JPH3: variants seen among roughly 807,000 people sequenced by gnomAD.
JPH3 encodes junctophilin-3.
In JPH3, 11 loss-of-function variants were observed where a neutral mutation model predicts 59.6. The observed-to-expected ratio is 0.18, with a 90% confidence interval of 0.12 to 0.31. The LOEUF (loss-of-function observed/expected upper bound fraction) is 0.31, where lower values mean the gene tolerates loss of function less well. JPH3 is among the 10% of genes least tolerant of loss of function. The pLI is 1.00. For missense variants in JPH3, 1,202 were observed against 1,105.7 expected, an observed-to-expected ratio of 1.09 and a Z score of -1.24; for synonymous variants, 673 against 483.6, an observed-to-expected ratio of 1.39 and a Z score of -5.14.
rs1328291453 is a variant in JPH3, at chr16:87,690,395, G to A, written c.2035G>A (p.Ala679Thr). 3 of 1,516,546 alleles carry A rather than the reference G, an allele frequency of 2.0e-6. No individual in the cohort carries two copies. The highest frequency in any genetic ancestry group is 2.6e-6 in the Non-Finnish European group (3 of 1,134,630). 93.9% of individuals were successfully genotyped at this position (1,516,546 alleles called of 1,614,324 possible). A position where few individuals can be genotyped will look rare whatever the true frequency, so the allele number is the denominator to read the frequency against. ...CGCGGAGCCCGCCGTGCAGAAACTG[G>A]CGAGCCTGCGGCTGGGCGGGGCCGA... ...SSAEPAVQKL[A>T]SLRLGGAEPR... The change falls in exon 4 of 5, where the codon GCG (alanine) becomes ACG (threonine). Residue 679 changes from alanine to threonine, a missense_variant. Ala to Thr is a moderately conservative substitution (Grantham distance 58). Coordinates refer to ENST00000284262, the MANE Select transcript of JPH3 (RefSeq NM_020655.4).
In JPH3 at chr16:87,642,718, C is replaced by T. The variant is rs144896197; in HGVS notation, c.383-1540C>T. Among the ~76,000 whole-genome samples, 545 of 152,342 alleles carry T rather than the reference C, an allele frequency of 3.6e-3. 8 individuals carry two copies. Among genetic ancestry groups the T allele is most frequent in the African/African-American group, 0.012 (500 of 41,578 alleles). On this transcript the variant is annotated intron_variant, in intron 1 of 4. Coordinates refer to ENST00000284262, the MANE Select transcript of JPH3 (RefSeq NM_020655.4). The stretch of plus-strand genomic sequence containing the variant: ...GCTTGAGGTTTGCCGCGTTGGGCGT[C>T]GTGCTGAGGCCCAGCCGTCCTCACG...
chr16:87,647,587 G>A (rs957455335), intron 2 of JPH3, among the ~76,000 whole-genome samples: 1 of 152,204 alleles, frequency 6.6e-6, no homozygotes, highest in African/African-American at 2.4e-5. Context: ...GGCGTCGCGG[G>A]GAGGGAGGTG....
intron 2 of JPH3, among the ~76,000 whole-genome samples, chr16:87,676,597 G>T (rs965510284): frequency 1.3e-5 from 2 of 151,700 alleles, no homozygotes; most frequent in African/African-American, 4.8e-5. Context: ...AGTCAGGCAT[G>T]GTGGTGCGCG....
At chr16:87,669,881 G>GCAGC (rs2032970199) in intron 2 of JPH3, among the ~76,000 whole-genome samples, 1 of 152,096 alleles carries the variant, frequency 6.6e-6, no homozygotes. Context: ...AGAGGTTGCA[G>GCAGC]CAGCCGGCCG....
In JPH3 at chr16:87,630,701, G is replaced by A. The variant is rs558695867; in HGVS notation, c.383-13557G>A. 1.2e-4 allele frequency among the ~76,000 whole-genome samples: 18 copies of A among 152,252 alleles called. No individual in the cohort carries two copies. In the South Asian group the frequency reaches 3.5e-3, roughly 30 times the overall value. On this transcript the variant is annotated intron_variant, in intron 1 of 4. Transcript: ENST00000284262. ...TGCTAAAAACAAAATAGAGCTTGGA[G>A]CAAAAATCATGTGTGTCTTCAGAGA... is the stretch of plus-strand genomic sequence containing the variant.
chr16:87,677,652 C>T (rs2033186038), intron 2 of JPH3, among the ~76,000 whole-genome samples: 1 of 152,170 alleles, frequency 6.6e-6, no homozygotes, highest in South Asian at 2.1e-4. Context: ...TACCTTCTCG[C>T]CAGCTGACGG....
At chr16:87,671,794 C>T (rs1304761787) in intron 2 of JPH3, among the ~76,000 whole-genome samples, 2 of 152,200 alleles carry the variant, frequency 1.3e-5, no homozygotes, top group Non-Finnish European at 2.9e-5. Context: ...TGGTCCTGAG[C>T]CCACTCCAGG....
chr16:87,684,538 GA>G (rs1245541001), intron 3 of JPH3: 2 of 448,158 alleles, frequency 4.5e-6, no homozygotes, highest in Admixed American at 3.8e-5. Context: ...GGCTGTCCCT[GA>G]CGGTGAATTC....
At chr16:87,688,496 C>T (rs2033473174) in intron 3 of JPH3, among the ~76,000 whole-genome samples, 1 of 134,120 alleles carries the variant, frequency 7.5e-6, no homozygotes. Flanking sequence ...GTCTCCCAGA[C>T]CTTCTCCTGC....
intron 1 of JPH3, among the ~76,000 whole-genome samples, chr16:87,619,011 C>G (rs767834134): frequency 6.6e-6 from 1 of 151,886 alleles, no homozygotes; most frequent in African/African-American, 2.4e-5. Context: ...TCACTCGAAC[C>G]TGGGAGGCAG....
At chr16:87,662,646 C>T (rs1160397529) in intron 2 of JPH3, among the ~76,000 whole-genome samples, 1 of 152,212 alleles carries the variant, frequency 6.6e-6, no homozygotes, top group Middle Eastern at 3.2e-3. Context: ...CCATGGACCC[C>T]AGTCCCCGCT....
intron 2 of JPH3, among the ~76,000 whole-genome samples, chr16:87,669,617 A>G (rs560519595): frequency 3.3e-5 from 5 of 152,280 alleles, no homozygotes; most frequent in South Asian, 2.1e-4. Flanking sequence ...TGTCTGCCCC[A>G]TGGTGAGTTT....
At chr16:87,678,760 C>T (rs888652) in intron 2 of JPH3, among the ~76,000 whole-genome samples, 120,208 of 152,082 alleles carry the variant, frequency 0.79, 47,692 homozygotes, top group African/African-American at 0.85. Context: ...AGAGTGCCCT[C>T]GTGAGGCAGA....
intron 1 of JPH3, among the ~76,000 whole-genome samples, chr16:87,612,700 A>C (rs1381145175): frequency 6.6e-6 from 1 of 152,174 alleles, no homozygotes; most frequent in Non-Finnish European, 1.5e-5. Flanking sequence ...CAAGTGGTTC[A>C]TGAAATTAAT....
At chr16:87,625,991 A>G (rs1366288866) in intron 1 of JPH3, among the ~76,000 whole-genome samples, 1 of 152,198 alleles carries the variant, frequency 6.6e-6, no homozygotes, top group East Asian at 1.9e-4. Context: ...CCTCATAGCC[A>G]AGGAGGCAAT....
At chr16:87,634,794 C>T (rs533825474) in intron 1 of JPH3, among the ~76,000 whole-genome samples, 1 of 152,352 alleles carries the variant, frequency 6.6e-6, no homozygotes, top group African/African-American at 2.4e-5. Context: ...GGTTGGGCCT[C>T]AGCCCCGAGT....
chr16:87,667,736 C>G (rs1005891357), intron 2 of JPH3, among the ~76,000 whole-genome samples: 1 of 152,248 alleles, frequency 6.6e-6, no homozygotes, highest in Non-Finnish European at 1.5e-5. Context: ...CTTTTTCTGT[C>G]AAGGACTAGA....
intron 1 of JPH3, among the ~76,000 whole-genome samples, chr16:87,642,348 G>A (rs958198926): frequency 2.6e-5 from 4 of 152,202 alleles, no homozygotes; most frequent in African/African-American, 9.6e-5. Context: ...GGCAGAACAG[G>A]AGCAGCTGCT....
intron 1 of JPH3, chr16:87,604,489 C>T: frequency 7.5e-7 from 1 of 1,330,714 alleles, no homozygotes; most frequent in Non-Finnish European, 9.8e-7. Context: ...AGTCCACTCC[C>T]ATGTGGGAGC....
Sources: gnomAD v4.1 joint callset for allele counts (sites outside exome capture counted in the v4.1 genomes callset) on GRCh38, gnomAD v4.1.1 for gene constraint, MANE v1.5 for transcripts, NCBI Gene and HGNC (gene_info 2026-07-23, HGNC 2026-07-21) for gene names.